PIGL: variants seen among roughly 807,000 people sequenced by gnomAD.
The protein encoded by PIGL is N-acetylglucosaminyl-phosphatidylinositol de-N-acetylase.
PIGL carries 22 observed loss-of-function variants against 31.1 expected under a neutral mutation model. That is an observed-to-expected ratio of 0.71 (90% CI 0.51 to 1.01). The LOEUF (loss-of-function observed/expected upper bound fraction) is 1.01. Ranked by LOEUF, PIGL falls within the 50% of genes least tolerant of loss-of-function variation. The pLI, the probability that PIGL is intolerant of heterozygous loss-of-function variation, is 0.00. For missense variants in PIGL, 302 were observed against 315.9 expected, an observed-to-expected ratio of 0.96 and a Z score of 0.33; for synonymous variants, 131 against 117.4, an observed-to-expected ratio of 1.12 and a Z score of -0.75.
chr17:16,290,099 A>AT (rs1422286365), intron 2 of PIGL, among the ~76,000 whole-genome samples: 3,545 of 140,700 alleles, frequency 0.025, 58 homozygotes, highest in South Asian at 0.037. Flanking sequence ...CTTTTTTTTA[A>AT]TTTTTTTTTT....
rs920685980 is a variant in PIGL, at chr17:16,265,837, C to T, written c.335+31767C>T. Among the ~76,000 whole-genome samples, 12 of 152,072 alleles carry T rather than the reference C, an allele frequency of 7.9e-5. 1 individual carries two copies. The South Asian group carries it at 2.3e-3, about 29-fold the overall frequency. On this transcript the variant is annotated intron_variant, in intron 2 of 6. Transcript: ENST00000225609. ...TTTCTGGGCTTCAGACCCCGCATTT[C>T]CCCCCATGCCCTGAAGAGCATTATA...
At chr17:16,304,554 T>A (rs2093018833) in intron 3 of PIGL, among the ~76,000 whole-genome samples, 1 of 152,128 alleles carries the variant, frequency 6.6e-6, no homozygotes, top group Admixed American at 6.6e-5. Flanking sequence ...GGCCAGGAGT[T>A]TATGACCAGC....
At chr17:16,286,940 A>T (rs1251581986) in intron 2 of PIGL, among the ~76,000 whole-genome samples, 1 of 152,162 alleles carries the variant, frequency 6.6e-6, no homozygotes, top group Non-Finnish European at 1.5e-5. Flanking sequence ...CCTCTGCCTC[A>T]TTGGCCCTAA....
chr17:16,257,282 C>T (rs1186321632), intron 2 of PIGL, among the ~76,000 whole-genome samples: 1 of 151,754 alleles, frequency 6.6e-6, no homozygotes, highest in Non-Finnish European at 1.5e-5. Context: ...CCAGGCCTGG[C>T]GGCGGGCGCC....
At chr17:16,255,849 G>A (rs1418728657) in intron 2 of PIGL, among the ~76,000 whole-genome samples, 1 of 152,196 alleles carries the variant, frequency 6.6e-6, no homozygotes, top group African/African-American at 2.4e-5. Flanking sequence ...CCCAAAGGGT[G>A]CAAAGGACAA....
intron 3 of PIGL, among the ~76,000 whole-genome samples, chr17:16,303,540 C>T (rs996808096): frequency 6.6e-6 from 1 of 151,388 alleles, no homozygotes; most frequent in African/African-American, 2.4e-5. Context: ...ATAAATTTCT[C>T]CTTTTTTTTT....
At chr17:16,319,647 C>T (rs546928952) in intron 6 of PIGL, among the ~76,000 whole-genome samples, 53 of 151,598 alleles carry the variant, frequency 3.5e-4, no homozygotes, top group Non-Finnish European at 6.2e-4. Flanking sequence ...CCCAGCTACT[C>T]GGGAGGCTGA....
chr17:16,310,286 AGTGTGTGTGTGTGT>A lies in PIGL; in HGVS notation c.427-3236_427-3223del, dbSNP rs10522327. 5.7e-4 allele frequency among the ~76,000 whole-genome samples: 84 copies of A among 146,268 alleles called. 1 individual carries two copies. The highest frequency in any genetic ancestry group is 1.2e-3 in the East Asian group (6 of 4,838). ...TAAAATGTCTTCTGAATTATTAAAA[AGTGTGTGTGTGTGT>A]GTGTGTGTGTGTGTGTGTGTGTGTT... On this transcript the variant is annotated intron_variant, in intron 3 of 6. Transcript: ENST00000225609.
At chr17:16,231,557 A>G (rs968127918) in intron 1 of PIGL, among the ~76,000 whole-genome samples, 2 of 151,890 alleles carry the variant, frequency 1.3e-5, no homozygotes, top group Non-Finnish European at 2.9e-5. Context: ...TTTTTTAACC[A>G]TATAAATCTA....
chr17:16,231,460 G>A (rs1236364943), intron 1 of PIGL, among the ~76,000 whole-genome samples: 1 of 151,604 alleles, frequency 6.6e-6, no homozygotes, highest in Non-Finnish European at 1.5e-5. Context: ...GGCTGGTTTT[G>A]AACTCCTGGC....
At chr17:16,267,959 C>T (rs1231782831) in intron 2 of PIGL, among the ~76,000 whole-genome samples, 1 of 152,124 alleles carries the variant, frequency 6.6e-6, no homozygotes. Flanking sequence ...AGAGCAGACT[C>T]TTTAGACTGG....
intron 2 of PIGL, among the ~76,000 whole-genome samples, chr17:16,252,972 C>G (rs1160868936): frequency 5.9e-5 from 9 of 152,160 alleles, no homozygotes; most frequent in African/African-American, 1.9e-4. Flanking sequence ...AATCCCAGCA[C>G]TTTGGGAGGC....
At chr17:16,315,592 C>A (rs1167043483) in intron 4 of PIGL, among the ~76,000 whole-genome samples, 4 of 152,082 alleles carry the variant, frequency 2.6e-5, no homozygotes, top group Non-Finnish European at 5.9e-5. Flanking sequence ...TCACTGCTTT[C>A]CCTGGACATC....
intron 2 of PIGL, among the ~76,000 whole-genome samples, chr17:16,273,508 C>T (rs1019478886): frequency 6.6e-6 from 1 of 152,106 alleles, no homozygotes; most frequent in Non-Finnish European, 1.5e-5. Context: ...CTTCTTTTGA[C>T]AACACTGTGG....
intron 2 of PIGL, among the ~76,000 whole-genome samples, chr17:16,257,934 G>A (rs1282242460): frequency 1.3e-5 from 2 of 151,386 alleles, no homozygotes; most frequent in Admixed American, 6.6e-5. Context: ...GTTGTGGCGG[G>A]CACCTGTAAT....
At chr17:16,249,554 G>A (rs993569605) in intron 2 of PIGL, among the ~76,000 whole-genome samples, 3 of 152,180 alleles carry the variant, frequency 2.0e-5, no homozygotes, top group East Asian at 1.9e-4. Flanking sequence ...GAGTTGGCCC[G>A]TGATTATGGA....
chr17:16,224,200 C>T (rs1016998397), intron 1 of PIGL, among the ~76,000 whole-genome samples: 1 of 151,864 alleles, frequency 6.6e-6, no homozygotes, highest in African/African-American at 2.4e-5. Context: ...CTTGCTCTTG[C>T]GACAGAGCAA....
chr17:16,310,274 G>A (rs1170829505), intron 3 of PIGL, among the ~76,000 whole-genome samples: 2 of 140,718 alleles, frequency 1.4e-5, no homozygotes, highest in Non-Finnish European at 3.0e-5. Context: ...AATGTCTTCT[G>A]AATTATTAAA....
chr17:16,217,855 T>TAA (rs2092600728), intron 1 of PIGL: 1 of 160,540 alleles, frequency 6.2e-6, no homozygotes, highest in Non-Finnish European at 1.4e-5. Context: ...GCTCAATCCT[T>TAA]AAAGTTAACT....
Sources: allele counts gnomAD v4.1 joint callset (sites outside exome capture counted in the v4.1 genomes callset), GRCh38; gene constraint gnomAD v4.1.1; transcripts MANE v1.5; gene names NCBI Gene and HGNC (gene_info 2026-07-23, HGNC 2026-07-21).